NUP205: variants seen among roughly 807,000 people sequenced by gnomAD.
NUP205 encodes the protein nuclear pore complex protein Nup205.
In NUP205, 76 loss-of-function variants were observed where a neutral mutation model predicts 253.8. That is an observed-to-expected ratio of 0.30 (90% CI 0.25 to 0.36). NUP205 has a LOEUF of 0.36. NUP205 is among the 10% of genes least tolerant of loss of function. The pLI is 1.00. For missense variants in NUP205, 2,162 were observed against 2,425.5 expected, an observed-to-expected ratio of 0.89 and a Z score of 2.28; for synonymous variants, 832 against 850.1, an observed-to-expected ratio of 0.98 and a Z score of 0.37.
chr7:135,626,045 C>T (rs1016897371), intron 32 of NUP205, among the ~76,000 whole-genome samples, 195 bp from the exon 33 acceptor site: 1 of 152,100 alleles, frequency 6.6e-6, no homozygotes, highest in African/African-American at 2.4e-5. Context: ...TGTCTGTGGG[C>T]GCTTTAGATA....
At chr7:135,645,154 A>G in intron 40 of NUP205, 136 bp downstream of exon 40, 1 of 968,250 alleles carries the variant, frequency 1.0e-6, no homozygotes, top group Non-Finnish European at 1.6e-6. Context: ...TGCCTAATGT[A>G]TTTCCAAATC....
intron 14 of NUP205, chr7:135,597,732 T>TTCTCCCTC: frequency 2.2e-6 from 1 of 462,914 alleles, no homozygotes; most frequent in Admixed American, 3.8e-5. Context: ...TTCTCTCTAA[T>TTCTCCCTC]TCTCCCTCTC....
intron 22 of NUP205, among the ~76,000 whole-genome samples, chr7:135,608,886 A>G (rs1794154940): frequency 6.6e-6 from 1 of 151,920 alleles, no homozygotes; most frequent in Non-Finnish European, 1.5e-5. Flanking sequence ...AGATCACCTG[A>G]GGTTAGGAGT....
At chr7:135,571,298 C>A in intron 2 of NUP205, 51 bp downstream of exon 2, 1 of 1,175,112 alleles carries the variant, frequency 8.5e-7, no homozygotes, top group Non-Finnish European at 1.1e-6. Context: ...TTTTTAAGAT[C>A]GAGGAAGGAA....
rs77463030 is a variant in NUP205 at position 135,574,022 on chromosome 7, G to T, written c.343+197G>T. On this transcript the variant is annotated intron_variant, in intron 3 of 42. Transcript: ENST00000285968. The stretch of plus-strand genomic sequence containing the variant: ...GAGTCTCGCTCTGTTGCCCAGGCTG[G>T]AGTGCAGTGGCATGATATCGGCTCA... 0.025 allele frequency among the ~76,000 whole-genome samples: 3,801 copies of T among 152,048 alleles called. 79 individuals are homozygous for T. Among genetic ancestry groups the T allele is most frequent in the South Asian group, 0.076 (367 of 4,804 alleles).
chr7:135,617,367 A>C, intron 26 of NUP205, 120 bp downstream of exon 26: 1 of 1,016,874 alleles, frequency 9.8e-7, no homozygotes, highest in Middle Eastern at 2.2e-4. Context: ...AGTAGTTTAT[A>C]GGAAGGACTG....
In NUP205 at chr7:135,638,689, C is replaced by A. The variant is rs1794863761; in HGVS notation, c.5392+6C>A. On this transcript the variant is annotated splice_donor_region_variant and intron_variant, in intron 38 of 42. Coordinates refer to ENST00000285968, the MANE Select transcript of NUP205 (RefSeq NM_015135.3). ...TAGAGATGGACCGCGGCAAGGTGAG[C>A]TTAGTTTTTCATTCTGTATTGAAGG... 6.2e-7 allele frequency: 1 copy of A among 1,613,992 alleles called. No individual in the cohort carries two copies. Among genetic ancestry groups the A allele is most frequent in the Non-Finnish European group, 8.5e-7 (1 of 1,180,022 alleles).
At chr7:135,614,723 A>G (rs916891707) in intron 23 of NUP205, among the ~76,000 whole-genome samples, 1 of 152,222 alleles carries the variant, frequency 6.6e-6, no homozygotes, top group South Asian at 2.1e-4. Flanking sequence ...AACAGTTTTA[A>G]CTTAGTTTAT....
chr7:135,569,102 C>G (rs1444217756), intron 1 of NUP205, among the ~76,000 whole-genome samples: 3 of 152,166 alleles, frequency 2.0e-5, no homozygotes, highest in African/African-American at 7.2e-5. Context: ...GATGGAGTCT[C>G]ACTCTGTTGC....
intron 2 of NUP205, among the ~76,000 whole-genome samples, chr7:135,571,513 T>TA: frequency 6.6e-6 from 1 of 152,090 alleles, no homozygotes; most frequent in South Asian, 2.1e-4. Context: ...GTGCTGGGAT[T>TA]ACAGACGTGA....
intron 38 of NUP205, among the ~76,000 whole-genome samples, chr7:135,639,845 T>C (rs1362816554): frequency 6.6e-6 from 1 of 152,180 alleles, no homozygotes; most frequent in Non-Finnish European, 1.5e-5. Flanking sequence ...AAATAAATGG[T>C]GGCACATATA....
At chr7:135,609,284 C>G (rs974935784) in intron 22 of NUP205, among the ~76,000 whole-genome samples, 3 of 151,876 alleles carry the variant, frequency 2.0e-5, no homozygotes, top group African/African-American at 7.3e-5. Context: ...AAAATTCATC[C>G]TGACTAACAC....
chr7:135,576,525 T>C, intron 4 of NUP205, 111 bp downstream of exon 4: 1 of 847,412 alleles, frequency 1.2e-6, no homozygotes, highest in Non-Finnish European at 1.9e-6. Context: ...CTGAGTAATA[T>C]ACTCCCTTAT....
chr7:135,561,748 CT>C (rs1167075861), intron 1 of NUP205, among the ~76,000 whole-genome samples: 2 of 152,134 alleles, frequency 1.3e-5, no homozygotes, highest in Non-Finnish European at 2.9e-5. Context: ...CCTGTTACCC[CT>C]TTTTTTGTCT....
chr7:135,606,805 T>A lies in NUP205; in HGVS notation c.2960T>A (p.Ile987Asn). 1 of 1,613,720 alleles carries A rather than the reference T, an allele frequency of 6.2e-7. No individual in the cohort carries two copies. Among genetic ancestry groups the A allele is most frequent in the Non-Finnish European group, 8.5e-7 (1 of 1,179,642 alleles). Residue 987 changes from isoleucine to asparagine, a missense_variant, in exon 21 of 43, where the codon ATC (isoleucine) becomes AAC (asparagine). Physicochemically the swap from Ile to Asn is moderately radical, Grantham distance 149. Around this residue, in one of 5 missense-constraint regions of NUP205, gnomAD observed 1,144 missense variants for 1,280.9 expected, o/e 0.89. Transcript: ENST00000285968. ...VAIRHETRIH[I>N]LNLLITSLEC... ...ATTCGTCATGAAACAAGAATCCACA[T>A]CTTGAATCTTCTCATTACCTCTCTG...
intron 35 of NUP205, among the ~76,000 whole-genome samples, chr7:135,631,200 T>A (rs1045754312): frequency 2.0e-5 from 3 of 152,218 alleles, no homozygotes; most frequent in African/African-American, 7.2e-5. Flanking sequence ...TGAATTTATT[T>A]ATTTTTTTAT....
chr7:135,559,060 G>C (rs1805509699), intron 1 of NUP205, among the ~76,000 whole-genome samples: 1 of 152,150 alleles, frequency 6.6e-6, no homozygotes, highest in East Asian at 1.9e-4. Flanking sequence ...ATCTCATTCA[G>C]TTCCCGTTTA....
rs544638876 is a variant in NUP205 at position 135,648,178 on chromosome 7, A to G, written c.5887-226A>G. Reference sequence around the variant, plus strand: ...CTATTTAAAGCAGGTTTTTAAATTTATACAAGAAAAGAAAGCAGGAAAAAC... The same window carrying G: ...CTATTTAAAGCAGGTTTTTAAATTTGTACAAGAAAAGAAAGCAGGAAAAAC... On this transcript the variant is annotated intron_variant, in intron 42 of 42. Transcript: ENST00000285968. Among the ~76,000 whole-genome samples the G allele has an allele frequency of 3.9e-5, 6 of 152,334 alleles. 1 individual carries two copies. Among genetic ancestry groups the G allele is most frequent in the Admixed American group, 2.6e-4 (4 of 15,298 alleles).
At chr7:135,558,583 A>C (rs941505310) in intron 1 of NUP205, among the ~76,000 whole-genome samples, 1 of 152,132 alleles carries the variant, frequency 6.6e-6, no homozygotes, top group Non-Finnish European at 1.5e-5. Flanking sequence ...AAGGTAGTAA[A>C]GGAACTCTGG....
Sources: allele counts gnomAD v4.1 joint callset (sites outside exome capture counted in the v4.1 genomes callset), GRCh38; gene constraint gnomAD v4.1.1; regional missense constraint gnomAD v4.1.1; transcripts MANE v1.5; gene names NCBI Gene and HGNC (gene_info 2026-07-23, HGNC 2026-07-21).